SGCD: variants seen among roughly 807,000 people sequenced by gnomAD.
SGCD encodes delta-sarcoglycan.
Under a neutral mutation model 36.6 loss-of-function variants are expected in SGCD, and 18 were observed. The ratio of observed to expected loss-of-function variants is 0.49; its 90% CI spans 0.34 to 0.73. The LOEUF (loss-of-function observed/expected upper bound fraction) is 0.73, where lower values mean the gene tolerates loss of function less well. Ranked by LOEUF, SGCD falls within the 30% of genes least tolerant of loss-of-function variation. The pLI is 0.01. For synonymous variants in SGCD, 133 were observed against 130.6 expected (o/e 1.02, Z -0.12); for missense variants, 387 against 346.7 (o/e 1.12, Z -0.92).
At chr5:155,758,600 G>A in the SGCD span, among the ~76,000 whole-genome samples, 3 of 152,194 alleles carry the variant, frequency 2.0e-5, no homozygotes, top group Non-Finnish European at 4.4e-5. Flanking sequence ...GGCTCCTTCA[G>A]ATCAGCAGTG....
chr5:156,314,225 T>G (rs1318036781), intron 3 of SGCD, among the ~76,000 whole-genome samples: 1 of 152,008 alleles, frequency 6.6e-6, no homozygotes, highest in African/African-American at 2.4e-5. Context: ...GGATGTGATG[T>G]TCGAGGCTAT....
At chr5:156,266,868 T>C (rs1766011587) in intron 3 of SGCD, among the ~76,000 whole-genome samples, 1 of 151,900 alleles carries the variant, frequency 6.6e-6, no homozygotes, top group African/African-American at 2.4e-5. Flanking sequence ...GTTACACTCA[T>C]CTTGGCAATG....
At chr5:156,629,713 G>A (rs1236382312) in intron 6 of SGCD, among the ~76,000 whole-genome samples, 1 of 152,250 alleles carries the variant, frequency 6.6e-6, no homozygotes, top group East Asian at 1.9e-4. Context: ...CAGTGGGAAA[G>A]CAGCCATAAA....
At chr5:156,605,417 A>G (rs1405567813) in intron 6 of SGCD, among the ~76,000 whole-genome samples, 2 of 152,200 alleles carry the variant, frequency 1.3e-5, no homozygotes, top group East Asian at 3.8e-4. Flanking sequence ...TCTATGGTAT[A>G]TGTGCCACAT....
chr5:156,504,518 A>T (rs960299009), intron 3 of SGCD, among the ~76,000 whole-genome samples: 2 of 151,660 alleles, frequency 1.3e-5, no homozygotes, highest in Admixed American at 6.6e-5. Flanking sequence ...CATCATGAAT[A>T]TTTGCCTGCA....
intron 7 of SGCD, among the ~76,000 whole-genome samples, chr5:156,713,878 T>C (rs1755107502): frequency 6.6e-6 from 1 of 152,238 alleles, no homozygotes. Context: ...AGCTGCTTAA[T>C]CCTAATCCCT....
At chr5:155,780,696 A>G in the SGCD span, among the ~76,000 whole-genome samples, 1 of 152,202 alleles carries the variant, frequency 6.6e-6, no homozygotes, top group Admixed American at 6.5e-5. Flanking sequence ...TGATTTCCAG[A>G]AATACACAGT....
intron 3 of SGCD, among the ~76,000 whole-genome samples, chr5:156,133,914 A>AACACACACACACAC (rs70981997): frequency 2.3e-4 from 32 of 140,328 alleles, no homozygotes; most frequent in African/African-American, 4.6e-4. Flanking sequence ...GCCGGGTTAA[A>AACACACACACACAC]ACACACACAC....
At chr5:155,868,360 CTTTT>C (rs10532701), upstream of SGCD, among the ~76,000 whole-genome samples, 15 of 110,710 alleles carry the variant, frequency 1.4e-4, no homozygotes, top group Non-Finnish European at 2.3e-4. Flanking sequence ...CCCTTTTTTT[CTTTT>C]TTTTTTTTTT....
chr5:155,968,736 C>T (rs1581017899), intron 1 of SGCD, among the ~76,000 whole-genome samples: 1 of 152,026 alleles, frequency 6.6e-6, no homozygotes, highest in African/African-American at 2.4e-5. Context: ...TCTTACGAAA[C>T]TCCCATAATC....
chr5:155,839,298 A>G, the SGCD span, among the ~76,000 whole-genome samples: 1 of 152,190 alleles, frequency 6.6e-6, no homozygotes, highest in Admixed American at 6.5e-5. Flanking sequence ...AGCTAGACTT[A>G]GATTGTAGAC....
chr5:156,090,131 C>T (rs1382615467), intron 1 of SGCD, among the ~76,000 whole-genome samples: 1 of 152,050 alleles, frequency 6.6e-6, no homozygotes, highest in Admixed American at 6.6e-5. Flanking sequence ...CAGGAGGGTG[C>T]ATGATGGAGG....
At chr5:156,452,127 C>T (rs1581015033) in intron 3 of SGCD, among the ~76,000 whole-genome samples, 1 of 152,208 alleles carries the variant, frequency 6.6e-6, no homozygotes, top group African/African-American at 2.4e-5. Context: ...AGTAGCTTCC[C>T]TTGACCTCCT....
chr5:156,489,197 AC>A (rs1408737570), intron 3 of SGCD, among the ~76,000 whole-genome samples: 2 of 152,104 alleles, frequency 1.3e-5, no homozygotes, highest in African/African-American at 2.4e-5. Context: ...ATATACAAGC[AC>A]CCAAAACCAG....
chr5:155,973,028 A>T (rs116814617), intron 1 of SGCD, among the ~76,000 whole-genome samples: 1,558 of 152,190 alleles, frequency 0.01, 23 homozygotes, highest in African/African-American at 0.035. Flanking sequence ...GTGCCATGCC[A>T]ATTTTAAAAT....
chr5:156,187,559 CCA>C (rs1763793046), intron 3 of SGCD, among the ~76,000 whole-genome samples: 1 of 138,074 alleles, frequency 7.2e-6, no homozygotes. Context: ...CCTTTCTCTG[CCA>C]CAGTTTCCTC....
intron 1 of SGCD, among the ~76,000 whole-genome samples, chr5:155,954,786 T>C (rs1757617523): frequency 5.9e-5 from 9 of 152,076 alleles, no homozygotes; most frequent in Admixed American, 5.9e-4. Context: ...AGCCTTACTA[T>C]GAAGAATTGG....
At chr5:156,529,740 A>G (rs887574954) in intron 4 of SGCD, among the ~76,000 whole-genome samples, 1 of 152,236 alleles carries the variant, frequency 6.6e-6, no homozygotes, top group Non-Finnish European at 1.5e-5. Flanking sequence ...ATATGAAATT[A>G]TAATCATATA....
chr5:156,022,458 TGTA>T (rs897214629), intron 1 of SGCD, among the ~76,000 whole-genome samples: 8 of 152,220 alleles, frequency 5.3e-5, no homozygotes, highest in African/African-American at 1.7e-4. Context: ...TAGAATAACA[TGTA>T]GTTTCTTTTT....
Sources: allele counts gnomAD v4.1 joint callset (sites outside exome capture counted in the v4.1 genomes callset), GRCh38; gene constraint gnomAD v4.1.1; transcripts MANE v1.5; gene names NCBI Gene and HGNC (gene_info 2026-07-23, HGNC 2026-07-21).